The following LRRIQ3 variants were observed in gnomAD, a reference collection of about 807,000 sequenced individuals.
The protein encoded by LRRIQ3 is leucine-rich repeat and IQ domain-containing protein 3.
LRRIQ3 carries 75 observed loss-of-function variants against 59.3 expected under a neutral mutation model. The observed-to-expected ratio is 1.26, with a 90% CI of 1.05 to 1.53. The LOEUF is 1.53. Ranked by LOEUF, LRRIQ3 falls within the 40% of genes most tolerant of loss-of-function variation. The probability of loss-of-function intolerance (pLI) is 0.00; values close to 1 mark genes in which losing one functional copy is unlikely to be tolerated. For missense variants in LRRIQ3, 831 were observed against 710.0 expected (o/e 1.17, Z -1.94); for synonymous variants, 250 against 231.3 (o/e 1.08, Z -0.73).
chr1:74,048,157 C>G (rs1654259066), intron 6 of LRRIQ3, among the ~76,000 whole-genome samples: 1 of 152,134 alleles, frequency 6.6e-6, no homozygotes, highest in African/African-American at 2.4e-5. Flanking sequence ...CTTGAACAGA[C>G]TAACACAAAG....
chr1:74,092,544 A>T (rs969681090), intron 5 of LRRIQ3, among the ~76,000 whole-genome samples: 4 of 152,022 alleles, frequency 2.6e-5, no homozygotes, highest in African/African-American at 9.7e-5. Context: ...GGCAGGCTAC[A>T]TGCTGACTGA....
At chr1:74,189,883 T>G (rs1350451349) in intron 1 of LRRIQ3, among the ~76,000 whole-genome samples, 1 of 152,156 alleles carries the variant, frequency 6.6e-6, no homozygotes, top group Non-Finnish European at 1.5e-5. Context: ...TGTGTCTTTA[T>G]CAGCAGCATG....
chr1:74,061,064 T>G (rs912455397), intron 6 of LRRIQ3, among the ~76,000 whole-genome samples: 1 of 152,162 alleles, frequency 6.6e-6, no homozygotes, highest in Non-Finnish European at 1.5e-5. Context: ...GGACTTGATC[T>G]GATATATGAC....
At chr1:74,095,692 A>G (rs1646440983) in intron 5 of LRRIQ3, among the ~76,000 whole-genome samples, 1 of 152,124 alleles carries the variant, frequency 6.6e-6, no homozygotes, top group Non-Finnish European at 1.5e-5. Flanking sequence ...ATAGCCATAT[A>G]TAACTAAACC....
chr1:74,081,031 T>C (rs1197611177), intron 5 of LRRIQ3, among the ~76,000 whole-genome samples: 4 of 151,564 alleles, frequency 2.6e-5, no homozygotes, highest in African/African-American at 9.7e-5. Flanking sequence ...AAAAAGTTAC[T>C]TAAAAAAGAT....
rs150817261 is a variant in LRRIQ3 at position 74,044,389 on chromosome 1, T to C, written c.998-2456A>G. Among the ~76,000 whole-genome samples, 11 of 152,158 alleles carry C rather than the reference T, an allele frequency of 7.2e-5. No homozygotes were observed. The East Asian group carries it at 2.1e-3, about 29-fold the overall frequency. ...AGAGAGTTCCTGTTATGGTAGTTCATATGAGAGCTAGTTGTTTAAAAAAGT... is the reference window on the plus strand; with the variant it reads ...AGAGAGTTCCTGTTATGGTAGTTCACATGAGAGCTAGTTGTTTAAAAAAGT... On this transcript the variant is annotated intron_variant, in intron 6 of 7. Transcript: ENST00000354431.
intron 6 of LRRIQ3, 150 bp from the exon 7 acceptor site, chr1:74,042,083 A>T (rs1157662360): frequency 1.4e-6 from 1 of 727,108 alleles, no homozygotes; most frequent in Non-Finnish European, 2.0e-6. Context: ...TTGTGATTTA[A>T]TAGTAACTTT....
At chr1:74,028,449 A>C (rs945172935) in intron 7 of LRRIQ3, among the ~76,000 whole-genome samples, 3 of 152,072 alleles carry the variant, frequency 2.0e-5, no homozygotes, top group Admixed American at 6.6e-5. Context: ...AATATTAAAT[A>C]ATTAATTTTA....
At chr1:74,147,964 T>C (rs973089658) in intron 4 of LRRIQ3, among the ~76,000 whole-genome samples, 3 of 152,220 alleles carry the variant, frequency 2.0e-5, no homozygotes, top group African/African-American at 7.2e-5. Flanking sequence ...AAGTCATGAA[T>C]TGCTTTTCTG....
At chr1:74,112,211 T>A (rs2100567526) in intron 4 of LRRIQ3, among the ~76,000 whole-genome samples, 1 of 152,242 alleles carries the variant, frequency 6.6e-6, no homozygotes, top group Middle Eastern at 3.4e-3. Context: ...TGATTTTGCC[T>A]AAGGATAAAT....
intron 1 of LRRIQ3, among the ~76,000 whole-genome samples, chr1:74,190,857 T>C (rs1410487878): frequency 6.6e-6 from 1 of 152,064 alleles, no homozygotes; most frequent in Admixed American, 6.6e-5. Flanking sequence ...CAGAAGATAG[T>C]GGAGTGAAAT....
chr1:74,163,788 C>A (rs994001400), intron 3 of LRRIQ3, among the ~76,000 whole-genome samples: 1 of 151,500 alleles, frequency 6.6e-6, no homozygotes, highest in Non-Finnish European at 1.5e-5. Flanking sequence ...ATTGCAATTG[C>A]TGAATCATAT....
At chr1:74,054,218 A>AT (rs1654454141) in intron 6 of LRRIQ3, among the ~76,000 whole-genome samples, 1 of 151,472 alleles carries the variant, frequency 6.6e-6, no homozygotes, top group African/African-American at 2.4e-5. Context: ...CTATCAAGCC[A>AT]TAAAAAAAAA....
Position 74,198,134 on chromosome 1 carries a change from A to G in LRRIQ3, c.-139T>C, listed in dbSNP as rs1174291584. ...AGACAACATCCAAGTTCTCCACATC[A>G]TGGTTTTCCGGGCGCCAGCCAAGGC... On this transcript the variant is annotated 5_prime_UTR_variant, in exon 1 of 8. It removes an upstream start codon present in the reference 5' UTR. Transcript: ENST00000354431. 25 of 1,465,194 alleles carry G rather than the reference A, an allele frequency of 1.7e-5. No homozygotes were observed. The highest frequency in any genetic ancestry group is 2.4e-5 in the East Asian group (1 of 42,528). The allele number at this position is 1,465,194 out of a possible 1,614,324, so 90.8% of individuals were successfully genotyped here.
intron 4 of LRRIQ3, among the ~76,000 whole-genome samples, chr1:74,144,839 TACAC>T (rs373958318): frequency 6.7e-6 from 1 of 149,142 alleles, no homozygotes; most frequent in South Asian, 2.1e-4. Context: ...CATGTATGTG[TACAC>T]ACACACACAC....
At chr1:74,192,822 G>C (rs1462899784) in intron 1 of LRRIQ3, among the ~76,000 whole-genome samples, 1 of 152,074 alleles carries the variant, frequency 6.6e-6, no homozygotes, top group African/African-American at 2.4e-5. Flanking sequence ...ATATTATTCA[G>C]CTACATATTC....
intron 5 of LRRIQ3, chr1:74,082,323 G>A (rs952827977): frequency 3.3e-5 from 5 of 151,268 alleles, no homozygotes; most frequent in African/African-American, 7.3e-5. Context: ...AATTAGTTAC[G>A]ATAATATTTT....
intron 1 of LRRIQ3, among the ~76,000 whole-genome samples, chr1:74,189,241 G>C (rs957104413): frequency 6.6e-6 from 1 of 152,104 alleles, no homozygotes; most frequent in African/African-American, 2.4e-5. Flanking sequence ...ACATGCTTAA[G>C]GGCTCCCAAA....
At chr1:74,045,563 C>A (rs1654176510) in intron 6 of LRRIQ3, among the ~76,000 whole-genome samples, 1 of 152,240 alleles carries the variant, frequency 6.6e-6, no homozygotes, top group South Asian at 2.1e-4. Flanking sequence ...GACAAGCTTG[C>A]CCTCTCTCAC....
Sources: gnomAD v4.1 joint callset for allele counts (sites outside exome capture counted in the v4.1 genomes callset) on GRCh38, gnomAD v4.1.1 for gene constraint, MANE v1.5 for transcripts, NCBI Gene and HGNC (gene_info 2026-07-23, HGNC 2026-07-21) for gene names.